CRYM: variants seen among roughly 807,000 people sequenced by gnomAD.
CRYM encodes the protein ketimine reductase mu-crystallin.
A neutral mutation model predicts 32.9 loss-of-function variants in CRYM; 18 were observed. That is an observed-to-expected ratio of 0.55 (90% confidence interval 0.38 to 0.81). The LOEUF (loss-of-function observed/expected upper bound fraction) is 0.81, where lower values mean the gene tolerates loss of function less well. Among genes scored for constraint, CRYM ranks in the 30% least tolerant of loss-of-function variants. CRYM has a pLI of 0.00. For synonymous variants in CRYM, 153 were observed against 152.4 expected (o/e 1.00, Z -0.03); for missense variants, 337 against 393.5 (o/e 0.86, Z 1.21).
chr16:21,297,527 C>G (rs1960813594), intron 1 of CRYM, among the ~76,000 whole-genome samples: 6 of 152,152 alleles, frequency 3.9e-5, no homozygotes, highest in Admixed American at 3.9e-4. Context: ...TGTGTAAGAA[C>G]TAATGGTGGG....
intron 1 of CRYM, among the ~76,000 whole-genome samples, chr16:21,287,396 C>T (rs1301516941): frequency 6.6e-6 from 1 of 152,206 alleles, no homozygotes; most frequent in Non-Finnish European, 1.5e-5. Context: ...AGAGCTCCCA[C>T]AGTCCTTGGA....
At chr16:21,275,492 G>C in intron 3 of CRYM, 40 bp downstream of exon 3, 1 of 1,582,664 alleles carries the variant, frequency 6.3e-7, no homozygotes, top group Non-Finnish European at 8.7e-7. Flanking sequence ...GACCCCACTT[G>C]ACAGCTCACC....
At chr16:21,269,453 T>G (rs2272558) in intron 4 of CRYM, among the ~76,000 whole-genome samples, 1 of 152,164 alleles carries the variant, frequency 6.6e-6, no homozygotes, top group Non-Finnish European at 1.5e-5. Flanking sequence ...TTAAAAACTC[T>G]GGATTCTCCT....
At chr16:21,278,611 T>C, upstream of CRYM, 3 of 343,058 alleles carry the variant, frequency 8.7e-6, no homozygotes, top group Middle Eastern at 9.1e-4. Flanking sequence ...CGCTTTTTGC[T>C]GCTGTCTAGG....
upstream of CRYM, among the ~76,000 whole-genome samples, chr16:21,281,869 C>A (rs544428797): frequency 1.4e-4 from 21 of 152,346 alleles, no homozygotes; most frequent in Admixed American, 1.2e-3. Flanking sequence ...ATATTCATAG[C>A]TTCTTCTCTC....
At position 21,298,183 on chromosome 16, in the gene CRYM, T is replaced by C. The variant is rs554180782; in HGVS notation, c.-193+4795A>G. Among the ~76,000 whole-genome samples the C allele has an allele frequency of 2.0e-5, 3 of 152,316 alleles. No individual in the cohort carries two copies. In the East Asian group the frequency reaches 5.8e-4, roughly 29 times the overall value. ...TTGCAGTTTGTCCAGCCTTTCCTTA[T>C]GTGAAGAGTGAAAGGGATATTCACC... On this transcript the variant is annotated intron_variant, in intron 1 of 9. Transcript: ENST00000219599.
intron 1 of CRYM, among the ~76,000 whole-genome samples, chr16:21,291,599 A>G (rs1960657672): frequency 1.3e-5 from 2 of 152,158 alleles, no homozygotes; most frequent in South Asian, 2.1e-4. Context: ...ATTAGTATCT[A>G]TATTGTATTA....
chr16:21,275,557 G>A lies in CRYM; in HGVS notation c.362C>T (p.Ala121Val), dbSNP rs2093384590. 3 of 1,614,102 alleles carry A rather than the reference G, an allele frequency of 1.9e-6. No homozygotes were observed. In the East Asian group the frequency reaches 6.7e-5, roughly 36 times the overall value. Reference sequence around the variant, plus strand: ...CTTGGTGGCAATGGCAGAAACTGCAGCTGTTCTCTTTGCAGTTATGACATT... The same window carrying A: ...CTTGGTGGCAATGGCAGAAACTGCAACTGTTCTCTTTGCAGTTATGACATT... Reference protein sequence around the residue: ...DGNVITAKRTAAVSAIATKFL... With the variant: ...DGNVITAKRTVAVSAIATKFL... Residue 121 changes from alanine (A) to valine (V), a missense_variant, in exon 3 of 8, where the codon GCT becomes GTT. Physicochemically the swap from Ala to Val is moderately conservative, Grantham distance 64 (BLOSUM62 0). Coordinates refer to ENST00000572914, the MANE Select transcript of CRYM (RefSeq NM_001376256.1).
intron 3 of CRYM, among the ~76,000 whole-genome samples, chr16:21,271,706 T>C (rs1479870484): frequency 6.6e-6 from 1 of 152,238 alleles, no homozygotes; most frequent in African/African-American, 2.4e-5. Flanking sequence ...TCAGTTAATA[T>C]GAATCTATTC....
chr16:21,261,168 T>C, intron 7 of CRYM, 86 bp downstream of exon 7: 1 of 955,816 alleles, frequency 1.0e-6, no homozygotes, highest in Non-Finnish European at 1.7e-6. Context: ...AGCTGCAGAG[T>C]CTGGTGACTC....
intron 1 of CRYM, among the ~76,000 whole-genome samples, chr16:21,287,873 C>T (rs1256582302): frequency 2.6e-5 from 4 of 152,182 alleles, no homozygotes; most frequent in Non-Finnish European, 4.4e-5. Context: ...GTTTTTAGCA[C>T]ATTATCAAAC....
At chr16:21,280,732 T>A (rs2093396618), upstream of CRYM, among the ~76,000 whole-genome samples, 1 of 152,228 alleles carries the variant, frequency 6.6e-6, no homozygotes, top group African/African-American at 2.4e-5. Flanking sequence ...GTTTTTGTTT[T>A]CTCCAGCAGC....
intron 7 of CRYM, 94 bp downstream of exon 7, chr16:21,261,160 C>T: frequency 1.1e-6 from 1 of 909,706 alleles, no homozygotes; most frequent in Non-Finnish European, 1.8e-6. Flanking sequence ...AATGATTCAG[C>T]TGCAGAGTCT....
chr16:21,269,913 G>C (rs2093371742), intron 3 of CRYM, 22 bp from the exon 4 acceptor site: 1 of 1,565,822 alleles, frequency 6.4e-7, no homozygotes, highest in East Asian at 2.2e-5. Flanking sequence ...AAATGAAGTG[G>C]CAAAGGTCAA....
chr16:21,265,739 C>A (rs1418277926), intron 5 of CRYM, among the ~76,000 whole-genome samples: 1 of 152,230 alleles, frequency 6.6e-6, no homozygotes, highest in South Asian at 2.1e-4. Context: ...AAGCTCTTAG[C>A]TTCTGAGTTC....
At chr16:21,279,855 C>T (rs1183696956), upstream of CRYM, among the ~76,000 whole-genome samples, 2 of 149,142 alleles carry the variant, frequency 1.3e-5, no homozygotes, top group Non-Finnish European at 3.0e-5. Flanking sequence ...TGTTTAGCAA[C>T]AGTGCTTGGC....
chr16:21,277,431 C>T lies in CRYM; in HGVS notation c.324G>A (p.Ala108=). 2 of 1,612,812 alleles carry T rather than the reference C, an allele frequency of 1.2e-6. No homozygotes were observed. Among genetic ancestry groups the T allele is most frequent in the Non-Finnish European group, 1.7e-6 (2 of 1,179,866 alleles). ...LFEPSNGTLL[A]VMDGNVITAK... is the part of the protein sequence containing the mutation. ...CACCCCGGGACAGGAAGTTGCTCACCGCCAGCAGGGTGCCATTGCTGGGCT... is the reference window on the plus strand; with the variant it reads ...CACCCCGGGACAGGAAGTTGCTCACTGCCAGCAGGGTGCCATTGCTGGGCT... Residue 108 remains alanine, a splice_region_variant and synonymous_variant, in exon 2 of 8, where the codon GCG becomes GCA. Transcript: ENST00000572914. This position sits in a 1 kb window ranked among gnomAD's most constrained non-coding sequence, Gnocchi z 4.2.
intron 1 of CRYM, chr16:21,299,901 C>G (rs1960869744): frequency 6.6e-6 from 1 of 152,120 alleles, no homozygotes; most frequent in South Asian, 2.1e-4. Context: ...TCCTATTATC[C>G]TTTCTTGAGT....
chr16:21,293,056 T>A (rs1448169892), intron 1 of CRYM, among the ~76,000 whole-genome samples: 1 of 151,348 alleles, frequency 6.6e-6, no homozygotes, highest in Admixed American at 6.6e-5. Context: ...GATAGATAGA[T>A]AGAATAAGAT....
Sources: allele counts gnomAD v4.1 joint callset (sites outside exome capture counted in the v4.1 genomes callset), GRCh38; gene constraint gnomAD v4.1.1; non-coding constraint Gnocchi (gnomAD v3.1); transcripts MANE v1.5; gene names NCBI Gene and HGNC (gene_info 2026-07-23, HGNC 2026-07-21).